The following NID2 variants were observed in gnomAD, a reference collection of about 807,000 sequenced individuals.
NID2 encodes nidogen-2.
A neutral mutation model predicts 145.4 loss-of-function variants in NID2; 83 were observed. That is an observed-to-expected ratio of 0.57 (90% CI 0.48 to 0.69). The LOEUF (loss-of-function observed/expected upper bound fraction) is 0.69, where lower values mean the gene tolerates loss of function less well. Ranked by LOEUF, NID2 falls within the 30% of genes least tolerant of loss-of-function variation. The probability of loss-of-function intolerance (pLI) is 0.00; values close to 1 mark genes in which losing one functional copy is unlikely to be tolerated. For synonymous variants in NID2, 739 were observed against 701.3 expected (o/e 1.05, Z -0.85); for missense variants, 1,807 against 1,765.7 (o/e 1.02, Z -0.42).
At chr14:52,008,413 G>A (rs1890877848) in intron 18 of NID2, 3 of 153,840 alleles carry the variant, frequency 2.0e-5, no homozygotes, top group Non-Finnish European at 4.3e-5. Context: ...AGCCTTGTGA[G>A]AGACTCCATG....
intron 9 of NID2, among the ~76,000 whole-genome samples, chr14:52,033,468 G>A (rs752781707): frequency 1.3e-5 from 2 of 152,184 alleles, no homozygotes; most frequent in Non-Finnish European, 2.9e-5. Flanking sequence ...CTGGTGGGGG[G>A]TGGCACTGCT....
Position 52,038,787 on chromosome 14 carries a change from C to T in NID2, c.2217G>A (p.Val739=). The T allele has an allele frequency of 6.2e-7, 1 of 1,606,268 alleles. No homozygotes were observed. The highest frequency in any genetic ancestry group is 8.5e-7 in the Non-Finnish European group (1 of 1,176,688). ...TTTGATTGGTCACAGCAAATCTAAGCACTCTTTCTTCGTCATTATACAAGG... is the reference window on the plus strand; with the variant it reads ...TTTGATTGGTCACAGCAAATCTAAGTACTCTTTCTTCGTCATTATACAAGG... ...VFALYNDEER[V]LRFAVTNQIG... Residue 739 remains valine (V), a synonymous_variant, in exon 9 of 22, where the codon GTG becomes GTA. Coordinates refer to ENST00000216286, the MANE Select transcript of NID2 (RefSeq NM_007361.4).
At chr14:52,009,624 CCCAGACT>C (rs1890929573) in intron 18 of NID2, 1 of 152,048 alleles carries the variant, frequency 6.6e-6, no homozygotes, top group Admixed American at 6.5e-5. Context: ...ATGCTTTTTC[CCCAGACT>C]CCAGAGACAT....
intron 14 of NID2, among the ~76,000 whole-genome samples, chr14:52,015,806 A>C (rs1041987623): frequency 6.6e-6 from 1 of 152,198 alleles, no homozygotes; most frequent in Admixed American, 6.5e-5. Context: ...GTGTCTTAGA[A>C]AGTATTACTG....
At position 52,042,338 on chromosome 14, in the gene NID2, CGGT is replaced by C; in HGVS notation, c.1589_1591del (p.His530del). On this transcript the variant is annotated inframe_deletion, in exon 7 of 22. Transcript: ENST00000216286. ...GTGGCCACTCACTTTCCCATTCACT[CGGT>C]GAGGTGCCCCTAAAAGACAGCAAAT... is the stretch of plus-strand genomic sequence containing the variant. The C allele has an allele frequency of 6.2e-7, 1 of 1,610,170 alleles. No individual in the cohort carries two copies. The highest frequency in any genetic ancestry group is 8.5e-7 in the Non-Finnish European group (1 of 1,177,084).
chr14:52,010,837 A>G (rs1428169858), intron 18 of NID2, 39 bp downstream of exon 18: 1 of 1,596,980 alleles, frequency 6.3e-7, no homozygotes, highest in Admixed American at 1.7e-5. Flanking sequence ...TCACATCAGG[A>G]TCTACAGGTA....
intron 14 of NID2, among the ~76,000 whole-genome samples, chr14:52,017,379 T>G (rs1008366297): frequency 6.6e-6 from 1 of 152,112 alleles, no homozygotes; most frequent in African/African-American, 2.4e-5. Context: ...TTACCCTCCC[T>G]CAAGCTGACC....
At chr14:52,024,951 A>G (rs751993137) in intron 12 of NID2, among the ~76,000 whole-genome samples, 4 of 152,190 alleles carry the variant, frequency 2.6e-5, no homozygotes, top group Non-Finnish European at 5.9e-5. Context: ...ATCTAAATTA[A>G]TATTCTGATT....
chr14:52,013,598 C>T (rs145869598), intron 16 of NID2, among the ~76,000 whole-genome samples: 3 of 152,286 alleles, frequency 2.0e-5, no homozygotes, highest in African/African-American at 4.8e-5. Context: ...CGATGCCATT[C>T]GAGACAGCCA....
rs144311950 is a variant in NID2, at chr14:52,060,206, G to A, written c.685C>T (p.Arg229Ter). ...LQLPARVGFC[R>*]GEADDLKSEG... Reference sequence around the variant, plus strand: ...GACTTCAGATCATCAGCCTCCCCTCGGCAGAAGCCCACCCGAGCTGGAAGC... The same window carrying A: ...GACTTCAGATCATCAGCCTCCCCTCAGCAGAAGCCCACCCGAGCTGGAAGC... Residue 229 changes from arginine (R) to a stop codon, truncating the protein, a stop_gained, in exon 3 of 22, where the codon CGA (arginine) becomes TGA (stop). Coordinates refer to ENST00000216286, the MANE Select transcript of NID2 (RefSeq NM_007361.4). LOFTEE classifies it high-confidence loss of function. The A allele has an allele frequency of 6.2e-6, 10 of 1,613,804 alleles. No individual in the cohort carries two copies. Among genetic ancestry groups the A allele is most frequent in the African/African-American group, 2.7e-5 (2 of 74,834 alleles).
Position 52,054,230 on chromosome 14 carries a change from G to T in NID2, c.859C>A (p.Leu287Ile), listed in dbSNP as rs199959154. ...DNVRPAAVGD[L>I]SAAHSSVPLG... Reference sequence around the variant, plus strand: ...GGAACAGAAGAGTGGGCAGCGGAAAGGTCTCCAACTGCAGCTGGCCTGACA... The same window carrying T: ...GGAACAGAAGAGTGGGCAGCGGAAATGTCTCCAACTGCAGCTGGCCTGACA... The change falls in exon 4 of 22, where the codon CTT becomes ATT. Residue 287 changes from leucine (L) to isoleucine (I), a missense_variant. By Grantham distance (5) the Leu-to-Ile change is conservative. Transcript: ENST00000216286. 19 of 1,614,182 alleles carry T rather than the reference G, an allele frequency of 1.2e-5. No individual in the cohort carries two copies. In the Admixed American group the frequency reaches 1.8e-4, roughly 16 times the overall value.
intron 5 of NID2, among the ~76,000 whole-genome samples, chr14:52,045,423 T>C (rs1019066104): frequency 3.3e-5 from 5 of 152,144 alleles, no homozygotes; most frequent in African/African-American, 1.2e-4. Flanking sequence ...AGATTTAGTA[T>C]AGGGCCTTGA....
At position 52,066,677 on chromosome 14, in the gene NID2, C is replaced by T. The variant is rs533325315; in HGVS notation, c.534+1181G>A. 8.5e-5 allele frequency among the ~76,000 whole-genome samples: 13 copies of T among 152,336 alleles called. No individual in the cohort carries two copies. The South Asian group carries it at 1.9e-3, about 22-fold the overall frequency. Reference sequence around the variant, plus strand: ...GATAGAGATCAGTGACATGGGCAAGCAACCTCACCTCTTACAGGGGGCATG... The same window carrying T: ...GATAGAGATCAGTGACATGGGCAAGTAACCTCACCTCTTACAGGGGGCATG... On this transcript the variant is annotated intron_variant, in intron 2 of 21. Coordinates refer to ENST00000216286, the MANE Select transcript of NID2 (RefSeq NM_007361.4).
intron 5 of NID2, among the ~76,000 whole-genome samples, chr14:52,047,316 G>T (rs1012411810): frequency 6.6e-6 from 1 of 152,130 alleles, no homozygotes; most frequent in Admixed American, 6.5e-5. Flanking sequence ...GACCTCAGGA[G>T]AAGGTGACTG....
At chr14:52,020,280 G>C in intron 12 of NID2, 102 bp from the exon 13 acceptor site, 2 of 1,540,584 alleles carry the variant, frequency 1.3e-6, no homozygotes, top group South Asian at 2.4e-5. Context: ...TCAACACCCA[G>C]TGAGGTGTCA....
At chr14:52,049,303 C>G (rs1892609966) in intron 5 of NID2, among the ~76,000 whole-genome samples, 1 of 152,072 alleles carries the variant, frequency 6.6e-6, no homozygotes, top group South Asian at 2.1e-4. Context: ...GAGACTTGTC[C>G]TAACTAGGAG....
Position 52,026,592 on chromosome 14 carries a change from T to A in NID2, c.2674+609A>T, listed in dbSNP as rs575861829. 2.6e-5 allele frequency among the ~76,000 whole-genome samples: 4 copies of A among 152,368 alleles called. No individual in the cohort carries two copies. In the East Asian group the frequency reaches 7.7e-4, roughly 29 times the overall value. ...TCCTAATCCTAGTTTCATGGACATT[T>A]ATACTCAGAGAGTTATGTCGAGCCT... On this transcript the variant is annotated intron_variant, in intron 12 of 21. Transcript: ENST00000216286.
intron 9 of NID2, among the ~76,000 whole-genome samples, chr14:52,037,422 C>A (rs1440259604): frequency 1.3e-5 from 2 of 152,088 alleles, no homozygotes; most frequent in Non-Finnish European, 2.9e-5. Context: ...TTAGGTATAT[C>A]TCCTAATGCT....
chr14:52,052,184 C>T (rs1436101867), intron 5 of NID2, among the ~76,000 whole-genome samples: 1 of 152,182 alleles, frequency 6.6e-6, no homozygotes, highest in Non-Finnish European at 1.5e-5. Flanking sequence ...TGGAGATTCT[C>T]AGAAGGATCT....
Sources: gnomAD v4.1 joint callset for allele counts (sites outside exome capture counted in the v4.1 genomes callset) on GRCh38, gnomAD v4.1.1 for gene constraint, MANE v1.5 for transcripts, NCBI Gene and HGNC (gene_info 2026-07-23, HGNC 2026-07-21) for gene names.